Variants in RGS7 observed in about 807,000 individuals in gnomAD.
The protein encoded by RGS7 is regulator of G-protein signaling 7.
In RGS7, 27 loss-of-function variants were observed where a neutral mutation model predicts 81.1. That is an observed-to-expected ratio of 0.33 (90% CI 0.25 to 0.46). RGS7 has a LOEUF of 0.46. Ranked by LOEUF, RGS7 falls within the 20% of genes least tolerant of loss-of-function variation. The pLI is 1.00. For missense variants in RGS7, 396 were observed against 607.4 expected (o/e 0.65, Z 3.66); for synonymous variants, 208 against 207.7 (o/e 1.00, Z -0.01).
At chr1:241,294,014 A>T (rs1558283018) in intron 2 of RGS7, among the ~76,000 whole-genome samples, 1 of 152,264 alleles carries the variant, frequency 6.6e-6, no homozygotes, top group Non-Finnish European at 1.5e-5. Context: ...AGCACTATTT[A>T]CCATAGCAAA....
At chr1:241,096,821 A>G (rs1266959569) in intron 3 of RGS7, among the ~76,000 whole-genome samples, 1 of 152,148 alleles carries the variant, frequency 6.6e-6, no homozygotes, top group Non-Finnish European at 1.5e-5. Context: ...TGTTTAGCCT[A>G]TGTATTTTCA....
intron 2 of RGS7, among the ~76,000 whole-genome samples, chr1:241,105,478 AAAG>A (rs1436622640): frequency 1.3e-5 from 2 of 152,208 alleles, no homozygotes; most frequent in Non-Finnish European, 2.9e-5. Context: ...TGGCGGAATG[AAAG>A]AAGGAGCATA....
intron 3 of RGS7, among the ~76,000 whole-genome samples, chr1:241,083,794 G>A (rs1284181214): frequency 6.6e-6 from 1 of 152,048 alleles, no homozygotes; most frequent in East Asian, 1.9e-4. Flanking sequence ...CATAATTTCT[G>A]ACACAATGTT....
At chr1:240,853,837 C>G (rs1222824985) in intron 9 of RGS7, among the ~76,000 whole-genome samples, 1 of 122,648 alleles carries the variant, frequency 8.2e-6, no homozygotes, top group Non-Finnish European at 1.6e-5. Flanking sequence ...GGAGGCGGAG[C>G]TTGCAGTGAG....
intron 6 of RGS7, among the ~76,000 whole-genome samples, 181 bp downstream of exon 6, chr1:240,930,536 G>T (rs1675257219): frequency 6.6e-6 from 1 of 152,054 alleles, no homozygotes; most frequent in Non-Finnish European, 1.5e-5. Flanking sequence ...CACAGAGAAA[G>T]TTGTCACGAG....
chr1:240,990,188 T>C (rs1351996937), intron 3 of RGS7, among the ~76,000 whole-genome samples: 3 of 152,106 alleles, frequency 2.0e-5, no homozygotes, highest in African/African-American at 7.2e-5. Flanking sequence ...GCGAGAGGTA[T>C]CGATGGAGGC....
At chr1:240,844,090 A>G (rs1301573814) in intron 9 of RGS7, among the ~76,000 whole-genome samples, 1 of 152,172 alleles carries the variant, frequency 6.6e-6, no homozygotes, top group Non-Finnish European at 1.5e-5. Context: ...TTTCAAACCT[A>G]CAAGGATTGC....
At chr1:241,327,138 GAAAGAAAGGAAA>G (rs765886635) in intron 2 of RGS7, among the ~76,000 whole-genome samples, 4,592 of 102,140 alleles carry the variant, frequency 0.045, 130 homozygotes, top group Non-Finnish European at 0.069. Flanking sequence ...AAGAAAGAAA[GAAAGAAAGGAAA>G]GAAAGAAAGA....
intron 15 of RGS7, among the ~76,000 whole-genome samples, chr1:240,803,667 CAA>C (rs58638602): frequency 8.3e-5 from 11 of 132,276 alleles, no homozygotes; most frequent in African/African-American, 1.1e-4. Context: ...ATAGACAAGT[CAA>C]AAAAAAAAAA....
At chr1:241,319,828 C>T (rs746093422) in intron 2 of RGS7, among the ~76,000 whole-genome samples, 8 of 152,200 alleles carry the variant, frequency 5.3e-5, no homozygotes, top group Non-Finnish European at 1.0e-4. Flanking sequence ...CGCAGTGGCT[C>T]TCGCCTGTAA....
At position 241,163,400 on chromosome 1, in the gene RGS7, T is replaced by A. The variant is rs1315933617; in HGVS notation, c.79-64638A>T. On this transcript the variant is annotated intron_variant, in intron 2 of 18. Transcript: ENST00000440928. The surrounding 1 kb of genome is among the most constrained non-coding windows in gnomAD (Gnocchi z 4.6). ...TGTTCAGAGGGCCAGCAGATAGAAG[T>A]AGCCATGCAAAGCTGTCTTTTGTCG... Among the ~76,000 whole-genome samples, 1 of 152,178 alleles carries A rather than the reference T, an allele frequency of 6.6e-6. No homozygotes were observed. The highest frequency in any genetic ancestry group is 1.5e-5 in the Non-Finnish European group (1 of 68,034).
intron 4 of RGS7, among the ~76,000 whole-genome samples, chr1:240,966,329 G>A (rs1489660748): frequency 1.3e-5 from 2 of 152,126 alleles, no homozygotes; most frequent in Non-Finnish European, 2.9e-5. Context: ...ACCGAAAGCA[G>A]TTGTTTCAGT....
chr1:241,216,423 G>A (rs747797772), intron 2 of RGS7, among the ~76,000 whole-genome samples: 8 of 152,110 alleles, frequency 5.3e-5, no homozygotes, highest in South Asian at 2.1e-4. Context: ...TGTTCATGGC[G>A]TGACTGTAAA....
chr1:240,871,867 G>A (rs140061264), intron 6 of RGS7, among the ~76,000 whole-genome samples: 66 of 152,236 alleles, frequency 4.3e-4, no homozygotes, highest in African/African-American at 1.5e-3. Context: ...TCAAGCCCCA[G>A]CTATGCCCTC....
intron 2 of RGS7, among the ~76,000 whole-genome samples, chr1:241,292,302 A>G (rs116062660): frequency 0.03 from 4,560 of 152,286 alleles, 200 homozygotes; most frequent in African/African-American, 0.1. Context: ...AGTCATTATC[A>G]TTATTAAGTA....
chr1:240,988,773 A>G (rs1421124818), intron 3 of RGS7, among the ~76,000 whole-genome samples: 1 of 152,206 alleles, frequency 6.6e-6, no homozygotes, highest in African/African-American at 2.4e-5. Context: ...AAATCTGGAT[A>G]TCACCAATTA....
chr1:240,779,099 T>G (rs940968056), intron 18 of RGS7, among the ~76,000 whole-genome samples: 7 of 144,196 alleles, frequency 4.9e-5, no homozygotes, highest in African/African-American at 1.8e-4. Context: ...TTAGTGTTCT[T>G]TGTGTGTGTG....
intron 9 of RGS7, among the ~76,000 whole-genome samples, chr1:240,863,852 T>C (rs1238588223): frequency 6.6e-6 from 1 of 152,224 alleles, no homozygotes; most frequent in Non-Finnish European, 1.5e-5. Context: ...GAGTAAAATA[T>C]AATAAGACAC....
At chr1:241,186,938 G>C (rs1363763712) in intron 2 of RGS7, among the ~76,000 whole-genome samples, 1 of 152,112 alleles carries the variant, frequency 6.6e-6, no homozygotes, top group Non-Finnish European at 1.5e-5. Flanking sequence ...TGCGTCAACT[G>C]TTCATTTGCC....
Sources: allele counts gnomAD v4.1 joint callset (sites outside exome capture counted in the v4.1 genomes callset), GRCh38; gene constraint gnomAD v4.1.1; non-coding constraint Gnocchi (gnomAD v3.1); transcripts MANE v1.5; gene names NCBI Gene and HGNC (gene_info 2026-07-23, HGNC 2026-07-21).